ZFAND6: variants seen among roughly 807,000 people sequenced by gnomAD.
ZFAND6 encodes the protein AN1-type zinc finger protein 6.
In ZFAND6, 12 loss-of-function variants were observed where a neutral mutation model predicts 24.5. The observed-to-expected ratio is 0.49, with a 90% CI of 0.31 to 0.79. The LOEUF (loss-of-function observed/expected upper bound fraction) is 0.79, where lower values mean the gene tolerates loss of function less well. Among genes scored for constraint, ZFAND6 ranks in the 30% least tolerant of loss-of-function variants. ZFAND6 has a pLI of 0.04. For missense variants in ZFAND6, 207 were observed against 245.9 expected (o/e 0.84, Z 1.06); for synonymous variants, 92 against 81.5 (o/e 1.13, Z -0.69).
At chr15:80,089,014 T>C (rs1424027754) in intron 1 of ZFAND6, among the ~76,000 whole-genome samples, 1 of 152,176 alleles carries the variant, frequency 6.6e-6, no homozygotes, top group African/African-American at 2.4e-5. Context: ...TCTCAACGTG[T>C]ACTGTACTTC....
intron 1 of ZFAND6, among the ~76,000 whole-genome samples, chr15:80,076,710 A>C (rs2037303330): frequency 6.8e-6 from 1 of 146,048 alleles, no homozygotes; most frequent in Admixed American, 6.8e-5. Context: ...CATACTTTAA[A>C]ACTGAGGTTT....
intron 2 of ZFAND6, among the ~76,000 whole-genome samples, chr15:80,116,631 G>C (rs998438119): frequency 6.6e-6 from 1 of 152,094 alleles, no homozygotes; most frequent in Admixed American, 6.5e-5. Context: ...TCAGATAATA[G>C]AGGTTCTTTG....
intron 1 of ZFAND6, among the ~76,000 whole-genome samples, chr15:80,064,727 A>G (rs752136037): frequency 2.0e-5 from 3 of 152,038 alleles, no homozygotes; most frequent in Non-Finnish European, 4.4e-5. Flanking sequence ...TGAGGCCTCT[A>G]CTTCCTGGGC....
At chr15:80,065,126 A>T (rs1355870425) in intron 1 of ZFAND6, among the ~76,000 whole-genome samples, 1 of 149,804 alleles carries the variant, frequency 6.7e-6, no homozygotes, top group Admixed American at 6.7e-5. Flanking sequence ...GGCTTCTCCT[A>T]CCCAGTTAAG....
At chr15:80,121,563 A>G (rs1483163404) in intron 3 of ZFAND6, 149 bp from the exon 4 acceptor site, 2 of 507,562 alleles carry the variant, frequency 3.9e-6, no homozygotes, top group East Asian at 6.9e-5. Context: ...CCGTTGAAAA[A>G]TTTTTTAAAA....
At chr15:80,121,225 A>G (rs898010605) in intron 3 of ZFAND6, among the ~76,000 whole-genome samples, 6 of 152,206 alleles carry the variant, frequency 3.9e-5, no homozygotes, top group African/African-American at 1.4e-4. Flanking sequence ...GTTTTTGTTC[A>G]AGCCAAAACC....
chr15:80,065,006 T>TCC (rs1198128586), intron 1 of ZFAND6, among the ~76,000 whole-genome samples: 1 of 143,868 alleles, frequency 7.0e-6, no homozygotes, highest in African/African-American at 2.7e-5. Flanking sequence ...CTCCCCCTTT[T>TCC]TTTTTTTTTT....
intron 2 of ZFAND6, among the ~76,000 whole-genome samples, chr15:80,117,932 C>T (rs180931289): frequency 6.6e-6 from 1 of 151,840 alleles, no homozygotes; most frequent in East Asian, 1.9e-4. Context: ...CAATTTTGAC[C>T]TCTATAGGGG....
chr15:80,118,906 A>G (rs769789183), intron 2 of ZFAND6, among the ~76,000 whole-genome samples: 7 of 152,222 alleles, frequency 4.6e-5, no homozygotes, highest in Non-Finnish European at 7.3e-5. Flanking sequence ...AGTTGGTGAC[A>G]GTAAACTGTG....
At chr15:80,063,987 C>G (rs1193071023) in intron 1 of ZFAND6, among the ~76,000 whole-genome samples, 1 of 152,220 alleles carries the variant, frequency 6.6e-6, no homozygotes, top group African/African-American at 2.4e-5. Context: ...CATGTCTGAC[C>G]CAGACTGGCC....
intron 2 of ZFAND6, among the ~76,000 whole-genome samples, chr15:80,115,568 C>G (rs1323120673): frequency 2.6e-5 from 4 of 152,164 alleles, no homozygotes; most frequent in African/African-American, 9.7e-5. Flanking sequence ...GCTACCCCAT[C>G]TATGCCATTA....
intron 1 of ZFAND6, among the ~76,000 whole-genome samples, chr15:80,067,112 G>A (rs914344461): frequency 6.6e-6 from 1 of 152,176 alleles, no homozygotes; most frequent in Non-Finnish European, 1.5e-5. Flanking sequence ...TTTGACAGAA[G>A]ATTAGAATGA....
rs151091525 is a variant in ZFAND6 at position 80,109,088 on chromosome 15, A to G, written c.-18+10510A>G. ...GGTGGCACACCTTGCTGACAGATCTAGATCTCTTCTTAAACAGCAAATTCA... is the reference window on the plus strand; with the variant it reads ...GGTGGCACACCTTGCTGACAGATCTGGATCTCTTCTTAAACAGCAAATTCA... On this transcript the variant is annotated intron_variant, in intron 2 of 6. Transcript: ENST00000261749. Among the ~76,000 whole-genome samples the G allele has an allele frequency of 2.3e-3, 343 of 152,324 alleles. 2 individuals carry two copies. The highest frequency in any genetic ancestry group is 7.9e-3 in the African/African-American group (330 of 41,568).
At chr15:80,099,917 G>A (rs542140084) in intron 2 of ZFAND6, among the ~76,000 whole-genome samples, 25 of 152,236 alleles carry the variant, frequency 1.6e-4, no homozygotes, top group African/African-American at 5.1e-4. Flanking sequence ...TTGCGCGGCC[G>A]AATATGGATA....
intron 2 of ZFAND6, among the ~76,000 whole-genome samples, chr15:80,119,289 A>T (rs531719857): frequency 9.7e-4 from 148 of 152,322 alleles, no homozygotes; most frequent in African/African-American, 3.4e-3. Context: ...TTAGTTATAA[A>T]TACTTAAAAA....
chr15:80,117,726 T>C (rs2039945676), intron 2 of ZFAND6, among the ~76,000 whole-genome samples: 1 of 152,010 alleles, frequency 6.6e-6, no homozygotes, highest in Admixed American at 6.6e-5. Context: ...GTATTCAGGG[T>C]CAAGATTTAG....
In ZFAND6 at chr15:80,108,744, C is replaced by T. The variant is rs28733433; in HGVS notation, c.-18+10166C>T. Among the ~76,000 whole-genome samples the T allele has an allele frequency of 1.0e-4, 14 of 134,254 alleles. No individual in the cohort carries two copies. In the East Asian group the frequency reaches 2.2e-3, roughly 21 times the overall value. The allele number at this position is 134,254 out of a possible 152,430, so 88.1% of individuals were successfully genotyped here. On this transcript the variant is annotated intron_variant, in intron 2 of 6. Coordinates refer to ENST00000261749, the MANE Select transcript of ZFAND6 (RefSeq NM_019006.4). Reference sequence around the variant, plus strand: ...GCATCCTTGTTTTTTTGTTTTTTTTCTTTTTTTTTGGAGTCTCACTCTGTT... The same window carrying T: ...GCATCCTTGTTTTTTTGTTTTTTTTTTTTTTTTTTGGAGTCTCACTCTGTT...
At chr15:80,113,887 A>T (rs1033255561) in intron 2 of ZFAND6, among the ~76,000 whole-genome samples, 1 of 152,114 alleles carries the variant, frequency 6.6e-6, no homozygotes, top group Admixed American at 6.6e-5. Context: ...AGAGTGGTAC[A>T]AGCAGCTTCC....
intron 2 of ZFAND6, among the ~76,000 whole-genome samples, chr15:80,108,100 T>C (rs1403468712): frequency 6.6e-6 from 1 of 152,200 alleles, no homozygotes; most frequent in Admixed American, 6.5e-5. Context: ...TTAAAGGGAT[T>C]GGTATTTATA....
Sources: allele counts gnomAD v4.1 joint callset (sites outside exome capture counted in the v4.1 genomes callset), GRCh38; gene constraint gnomAD v4.1.1; transcripts MANE v1.5; gene names NCBI Gene and HGNC (gene_info 2026-07-23, HGNC 2026-07-21).